Variants in CDH13 observed in about 807,000 individuals in gnomAD.
CDH13 encodes cadherin-13.
In CDH13, 24 loss-of-function variants were observed where a neutral mutation model predicts 63.8. The ratio of observed to expected loss-of-function variants is 0.38; its 90% confidence interval spans 0.27 to 0.53. The LOEUF (loss-of-function observed/expected upper bound fraction) is 0.53, where lower values mean the gene tolerates loss of function less well. Ranked by LOEUF, CDH13 falls within the 20% of genes least tolerant of loss-of-function variation. The pLI is 0.85. For missense variants in CDH13, 1,049 were observed against 903.1 expected (o/e 1.16, Z -2.07); for synonymous variants, 503 against 355.3 (o/e 1.42, Z -4.67).
chr16:83,373,767 T>C (rs1238081688), intron 6 of CDH13, among the ~76,000 whole-genome samples: 1 of 152,182 alleles, frequency 6.6e-6, no homozygotes, highest in Non-Finnish European at 1.5e-5. Flanking sequence ...ATAAAATACT[T>C]CACCTCCTTG....
At chr16:83,689,662 T>G (rs1904648773) in intron 10 of CDH13, among the ~76,000 whole-genome samples, 1 of 152,230 alleles carries the variant, frequency 6.6e-6, no homozygotes, top group Non-Finnish European at 1.5e-5. Flanking sequence ...GATTTCCTCA[T>G]GCATTCCAAT....
intron 1 of CDH13, among the ~76,000 whole-genome samples, chr16:82,837,332 A>G (rs1393499308): frequency 6.6e-6 from 1 of 152,062 alleles, no homozygotes; most frequent in Non-Finnish European, 1.5e-5. Flanking sequence ...AGTCCATGTA[A>G]AGTGCTCCCC....
At chr16:82,741,303 G>A (rs1267179176) in intron 1 of CDH13, among the ~76,000 whole-genome samples, 1 of 152,096 alleles carries the variant, frequency 6.6e-6, no homozygotes, top group African/African-American at 2.4e-5. Context: ...TATTTCCTTT[G>A]CTGGGACACT....
chr16:83,546,618 C>T (rs1433827145), intron 7 of CDH13, among the ~76,000 whole-genome samples: 1 of 152,166 alleles, frequency 6.6e-6, no homozygotes, highest in African/African-American at 2.4e-5. Flanking sequence ...TGCCATGTCT[C>T]TGATCTTTAC....
At chr16:83,251,745 G>A (rs1283009938) in intron 5 of CDH13, among the ~76,000 whole-genome samples, 1 of 152,126 alleles carries the variant, frequency 6.6e-6, no homozygotes, top group Non-Finnish European at 1.5e-5. Context: ...TTCCACCTTG[G>A]GAATCACAGT....
At chr16:83,314,265 G>A (rs567600780) in intron 5 of CDH13, among the ~76,000 whole-genome samples, 2 of 151,460 alleles carry the variant, frequency 1.3e-5, no homozygotes, top group East Asian at 3.9e-4. Flanking sequence ...TTTCCAGCTA[G>A]GGTGATGATT....
intron 1 of CDH13, among the ~76,000 whole-genome samples, chr16:82,816,476 G>T (rs1325680170): frequency 6.6e-6 from 1 of 152,120 alleles, no homozygotes; most frequent in Non-Finnish European, 1.5e-5. Flanking sequence ...GATAGAGTTG[G>T]GGAGGAACAG....
At chr16:83,508,127 A>G (rs796138208) in intron 7 of CDH13, among the ~76,000 whole-genome samples, 12 of 48,304 alleles carry the variant, frequency 2.5e-4, no homozygotes, top group African/African-American at 4.7e-4. Flanking sequence ...GGAAGGGAGG[A>G]AGGAAAGGGA....
chr16:83,003,304 A>C (rs934794594), intron 2 of CDH13, among the ~76,000 whole-genome samples: 5 of 152,184 alleles, frequency 3.3e-5, no homozygotes, highest in African/African-American at 4.8e-5. Context: ...GCCATCTCTC[A>C]TGGTGTCTTC....
chr16:83,632,163 C>T (rs1471454653), intron 8 of CDH13, among the ~76,000 whole-genome samples: 1 of 152,164 alleles, frequency 6.6e-6, no homozygotes, highest in Non-Finnish European at 1.5e-5. Flanking sequence ...CATTGTTACT[C>T]CATCACACTG....
chr16:82,972,719 C>G (rs1406180434), intron 2 of CDH13, among the ~76,000 whole-genome samples: 3 of 152,074 alleles, frequency 2.0e-5, no homozygotes, highest in Non-Finnish European at 4.4e-5. Context: ...TCCATGAATC[C>G]AAGCCATTTG....
intron 8 of CDH13, among the ~76,000 whole-genome samples, chr16:83,635,039 T>C (rs1028590818): frequency 2.0e-5 from 3 of 152,210 alleles, no homozygotes; most frequent in Admixed American, 6.5e-5. Flanking sequence ...TTATCAGCAA[T>C]AGAGGAGAAA....
At chr16:82,661,906 T>TAGTTA (rs1185067400) in intron 1 of CDH13, among the ~76,000 whole-genome samples, 1 of 152,262 alleles carries the variant, frequency 6.6e-6, no homozygotes, top group Admixed American at 6.5e-5. Context: ...TAGTAGCCAC[T>TAGTTA]AGTTACATGT....
At chr16:82,648,780 A>G (rs1300352113) in intron 1 of CDH13, among the ~76,000 whole-genome samples, 3 of 152,230 alleles carry the variant, frequency 2.0e-5, no homozygotes, top group Non-Finnish European at 4.4e-5. Flanking sequence ...AAAACCTTCT[A>G]AAAAATAGGT....
At chr16:83,364,483 C>T (rs1295648118) in intron 6 of CDH13, among the ~76,000 whole-genome samples, 1 of 152,152 alleles carries the variant, frequency 6.6e-6, no homozygotes, top group Non-Finnish European at 1.5e-5. Flanking sequence ...AGGAAACTTA[C>T]CTAAGTCTCA....
At chr16:83,401,473 C>T (rs1293188893) in intron 6 of CDH13, among the ~76,000 whole-genome samples, 1 of 152,016 alleles carries the variant, frequency 6.6e-6, no homozygotes, top group East Asian at 1.9e-4. Context: ...GATCGCATCA[C>T]TGCACTCCAG....
At chr16:82,910,908 A>T (rs1172413553) in intron 2 of CDH13, among the ~76,000 whole-genome samples, 5 of 152,158 alleles carry the variant, frequency 3.3e-5, no homozygotes, top group Non-Finnish European at 4.4e-5. Context: ...ATCAACTCTG[A>T]CTGTGTGGCC....
chr16:83,247,004 A>G (rs756435796), intron 5 of CDH13, among the ~76,000 whole-genome samples: 14 of 152,192 alleles, frequency 9.2e-5, no homozygotes, highest in Non-Finnish European at 2.1e-4. Flanking sequence ...GATGCCTGGC[A>G]TGAACCAGAA....
intron 2 of CDH13, among the ~76,000 whole-genome samples, chr16:82,906,420 C>T (rs1463878760): frequency 6.6e-6 from 1 of 152,128 alleles, no homozygotes; most frequent in East Asian, 1.9e-4. Flanking sequence ...CCCCTTGAAG[C>T]AATCATGAAC....
Sources: gnomAD v4.1 joint callset for allele counts (sites outside exome capture counted in the v4.1 genomes callset) on GRCh38, gnomAD v4.1.1 for gene constraint, MANE v1.5 for transcripts, NCBI Gene and HGNC (gene_info 2026-07-23, HGNC 2026-07-21) for gene names.